Variants in SLC30A8 observed in about 807,000 individuals in gnomAD.
SLC30A8 encodes proton-coupled zinc antiporter SLC30A8.
In SLC30A8, 27 loss-of-function variants were observed where a neutral mutation model predicts 36.9. The ratio of observed to expected loss-of-function variants is 0.73; its 90% CI spans 0.54 to 1.01. The LOEUF (loss-of-function observed/expected upper bound fraction) is 1.01, where lower values mean the gene tolerates loss of function less well. Among genes scored for constraint, SLC30A8 ranks in the 50% least tolerant of loss-of-function variants. The probability of loss-of-function intolerance (pLI) is 0.00; values close to 1 mark genes in which losing one functional copy is unlikely to be tolerated. For synonymous variants in SLC30A8, 164 were observed against 172.4 expected, an observed-to-expected ratio of 0.95 and a Z score of 0.38; for missense variants, 439 against 452.0, an observed-to-expected ratio of 0.97 and a Z score of 0.26.
chr8:117,054,160 G>A (rs1817795291), intron 2 of SLC30A8, among the ~76,000 whole-genome samples: 1 of 146,178 alleles, frequency 6.8e-6, no homozygotes. Context: ...GTGCACTGGT[G>A]CAAATATGGC....
intron 1 of SLC30A8, among the ~76,000 whole-genome samples, chr8:116,951,373 A>G (rs1813985379): frequency 1.3e-5 from 2 of 152,170 alleles, no homozygotes; most frequent in South Asian, 4.1e-4. Flanking sequence ...TAAAAAGAAG[A>G]GTAGAAAAAT....
chr8:117,029,204 T>C (rs1280422359), intron 1 of SLC30A8, among the ~76,000 whole-genome samples: 2 of 152,208 alleles, frequency 1.3e-5, no homozygotes, highest in Non-Finnish European at 2.9e-5. Context: ...ACAGGTAGTA[T>C]CAGTCGATGA....
At chr8:116,991,124 A>T (rs1402887685) in intron 1 of SLC30A8, among the ~76,000 whole-genome samples, 1 of 152,012 alleles carries the variant, frequency 6.6e-6, no homozygotes, top group African/African-American at 2.4e-5. Context: ...CTATAGAAGA[A>T]TTTTTCCTCC....
At chr8:117,014,929 T>G (rs899114910) in intron 1 of SLC30A8, among the ~76,000 whole-genome samples, 3 of 152,096 alleles carry the variant, frequency 2.0e-5, no homozygotes, top group Non-Finnish European at 4.4e-5. Context: ...TCTCAGTAAT[T>G]GGCTTTGCGT....
rs753601826 is a variant in SLC30A8 at position 117,153,055 on chromosome 8, C to T, written c.383C>T (p.Pro128Leu). 9.3e-6 allele frequency: 15 copies of T among 1,612,622 alleles called. No homozygotes were observed. The highest frequency in any genetic ancestry group is 1.7e-5 in the Admixed American group (1 of 59,994). Residue 128 changes from proline to leucine, a missense_variant, in exon 3 of 8, where the codon CCC becomes CTC. By Grantham distance (98) the Pro-to-Leu change is moderately conservative (BLOSUM62 -3). Coordinates refer to ENST00000456015, the MANE Select transcript of SLC30A8 (RefSeq NM_173851.3). ...LFSLWLSSKP[P>L]SKRLTFGWHR... Reference sequence around the variant, plus strand: ...TCCCTGTGGTTGTCATCGAAGCCTCCCTCTAAGCGGCTGACATTTGGATGG... The same window carrying T: ...TCCCTGTGGTTGTCATCGAAGCCTCTCTCTAAGCGGCTGACATTTGGATGG...
At chr8:117,038,726 C>T (rs963497601) in intron 1 of SLC30A8, among the ~76,000 whole-genome samples, 9 of 152,202 alleles carry the variant, frequency 5.9e-5, no homozygotes, top group African/African-American at 2.2e-4. Context: ...GACATTCTAT[C>T]AACCATGCTT....
In SLC30A8 at chr8:116,971,303, G is replaced by GAA. The variant is rs552922981; in HGVS notation, c.-266+20194_-266+20195dup. 4.5e-3 allele frequency among the ~76,000 whole-genome samples: 642 copies of GAA among 143,848 alleles called. 1 individual carries two copies. Among genetic ancestry groups the GAA allele is most frequent in the African/African-American group, 0.015 (599 of 39,112 alleles). 94.4% of individuals were successfully genotyped at this position (143,848 alleles called of 152,430 possible). A position where few individuals can be genotyped will look rare whatever the true frequency, so the allele number is the denominator to read the frequency against. Reference sequence around the variant, plus strand: ...AATGTTATAGAGGCATTCCCTGTAGGAAAAAAAAAAACAAAAACACATCAA... The same window carrying GAA: ...AATGTTATAGAGGCATTCCCTGTAGGAAAAAAAAAAAAACAAAAACACATCAA... On this transcript the variant is annotated intron_variant, in intron 1 of 10. Coordinates refer to the SLC30A8 transcript ENST00000427715.
chr8:117,034,235 A>C lies in SLC30A8; in HGVS notation c.-265-4984A>C, dbSNP rs565525355. On this transcript the variant is annotated intron_variant, in intron 1 of 10. Transcript: ENST00000427715. ...TTTTTAAACTTTTTCTTTTAAATCA[A>C]AGTAATGCATGTACATGAACAATAA... 3.3e-5 allele frequency among the ~76,000 whole-genome samples: 5 copies of C among 152,296 alleles called. No homozygotes were observed. The South Asian group carries it at 1.0e-3, about 32-fold the overall frequency.
intron 1 of SLC30A8, among the ~76,000 whole-genome samples, chr8:116,960,598 G>A (rs952101034): frequency 6.6e-6 from 1 of 152,100 alleles, no homozygotes; most frequent in Non-Finnish European, 1.5e-5. Context: ...CGCAGTAAGA[G>A]GTAGAAATAG....
At chr8:117,029,799 C>G (rs1336885158) in intron 1 of SLC30A8, among the ~76,000 whole-genome samples, 1 of 152,128 alleles carries the variant, frequency 6.6e-6, no homozygotes, top group Non-Finnish European at 1.5e-5. Context: ...CAAACAAATT[C>G]AAAATCATCA....
intron 2 of SLC30A8, among the ~76,000 whole-genome samples, chr8:117,129,685 A>G (rs1241542372): frequency 6.6e-6 from 1 of 152,038 alleles, no homozygotes; most frequent in Non-Finnish European, 1.5e-5. Context: ...TAACAGTTTA[A>G]TATGAAAGTT....
At chr8:117,049,828 G>A (rs918106996) in intron 2 of SLC30A8, among the ~76,000 whole-genome samples, 2 of 152,290 alleles carry the variant, frequency 1.3e-5, no homozygotes, top group African/African-American at 4.8e-5. Context: ...TAAGAAGAGC[G>A]ACTCCATTGT....
In SLC30A8 at chr8:117,171,178, T is replaced by A. The variant is rs779000201; in HGVS notation, c.964+10T>A. 6.2e-7 allele frequency: 1 copy of A among 1,613,258 alleles called. No homozygotes were observed. Among genetic ancestry groups the A allele is most frequent in the Non-Finnish European group, 8.5e-7 (1 of 1,179,478 alleles). On this transcript the variant is annotated intron_variant, in intron 7 of 7. Transcript: ENST00000456015. Reference sequence around the variant, plus strand: ...GCTCATGTTGCTACAGGTCAGTGAGTTTTGTAAACACCCTGGAAAAAATTC... The same window carrying A: ...GCTCATGTTGCTACAGGTCAGTGAGATTTGTAAACACCCTGGAAAAAATTC...
chr8:117,126,601 TA>T (rs1820913815), intron 2 of SLC30A8, among the ~76,000 whole-genome samples: 1 of 151,922 alleles, frequency 6.6e-6, no homozygotes, highest in Non-Finnish European at 1.5e-5. Context: ...TATTGATTTA[TA>T]AAAAATATAT....
At chr8:117,070,972 G>T (rs999666304) in intron 2 of SLC30A8, among the ~76,000 whole-genome samples, 1 of 152,014 alleles carries the variant, frequency 6.6e-6, no homozygotes, top group Non-Finnish European at 1.5e-5. Context: ...TTGTTTTCAT[G>T]TCTTGGCTAC....
chr8:117,085,817 G>A lies in SLC30A8; in HGVS notation c.-226+46559G>A, dbSNP rs1051891774. 5.3e-5 allele frequency among the ~76,000 whole-genome samples: 8 copies of A among 152,146 alleles called. No homozygotes were observed. The East Asian group carries it at 1.2e-3, about 22-fold the overall frequency. On this transcript the variant is annotated intron_variant, in intron 2 of 10. Coordinates refer to the SLC30A8 transcript ENST00000427715. The stretch of plus-strand genomic sequence containing the variant: ...TGGTAGACCCAAGAGTTGAACTAGG[G>A]TAGTCTGATTCCAAATATGTGCCCT...
chr8:117,005,750 G>A (rs11994402), intron 1 of SLC30A8, among the ~76,000 whole-genome samples: 4,755 of 152,146 alleles, frequency 0.031, 249 homozygotes, highest in African/African-American at 0.11. Flanking sequence ...CTGCTCAGTT[G>A]TCTGACTTTG....
At chr8:117,132,984 T>C (rs1027576311), upstream of SLC30A8, among the ~76,000 whole-genome samples, 3 of 152,038 alleles carry the variant, frequency 2.0e-5, no homozygotes, top group Non-Finnish European at 2.9e-5. Flanking sequence ...AGAGTAACTT[T>C]TGGGATTCAT....
intron 1 of SLC30A8, among the ~76,000 whole-genome samples, chr8:117,029,573 A>G (rs541877309): frequency 3.3e-5 from 5 of 152,186 alleles, no homozygotes; most frequent in African/African-American, 9.7e-5. Flanking sequence ...TAACCCTCGC[A>G]TTGCTGAGGT....
Sources: allele counts gnomAD v4.1 joint callset (sites outside exome capture counted in the v4.1 genomes callset), GRCh38; gene constraint gnomAD v4.1.1; transcripts MANE v1.5; gene names NCBI Gene and HGNC (gene_info 2026-07-23, HGNC 2026-07-21).